Variants in EMC7 observed in about 807,000 individuals in gnomAD.
EMC7 encodes ER membrane protein complex subunit 7, also known as endoplasmic reticulum membrane protein complex subunit 7.
EMC7 carries 4 observed loss-of-function variants against 24.4 expected under a neutral mutation model. The observed-to-expected ratio is 0.16, with a 90% CI of 0.08 to 0.38. The LOEUF is 0.38. Among genes scored for constraint, EMC7 ranks in the 10% least tolerant of loss-of-function variants. EMC7 has a pLI of 1.00. For synonymous variants in EMC7, 106 were observed against 112.0 expected (o/e 0.95, Z 0.34); for missense variants, 221 against 300.6 (o/e 0.74, Z 1.96).
At chr15:34,084,665 T>G (rs976491220) in intron 4 of EMC7, among the ~76,000 whole-genome samples, 179 bp from the exon 5 acceptor site, 1 of 152,100 alleles carries the variant, frequency 6.6e-6, no homozygotes, top group Non-Finnish European at 1.5e-5. Flanking sequence ...ATTTTCCATA[T>G]CTCCTTTATA....
At chr15:34,095,432 T>A (rs1278427943) in intron 2 of EMC7, among the ~76,000 whole-genome samples, 2 of 152,212 alleles carry the variant, frequency 1.3e-5, no homozygotes, top group African/African-American at 4.8e-5. Context: ...AGAAATACTA[T>A]ATTTCCATTG....
chr15:34,090,747 C>T (rs1900963948), intron 2 of EMC7, among the ~76,000 whole-genome samples: 1 of 152,118 alleles, frequency 6.6e-6, no homozygotes, highest in Non-Finnish European at 1.5e-5. Flanking sequence ...CTATTTATGT[C>T]AAAAGTTCTT....
intron 3 of EMC7, among the ~76,000 whole-genome samples, chr15:34,088,758 T>C (rs981745768): frequency 6.6e-6 from 1 of 152,206 alleles, no homozygotes; most frequent in African/African-American, 2.4e-5. Flanking sequence ...TACTAATTTA[T>C]TCCTCCCTAG....
chr15:34,097,094 C>T (rs1193334270), intron 1 of EMC7, among the ~76,000 whole-genome samples: 2 of 119,118 alleles, frequency 1.7e-5, no homozygotes, highest in African/African-American at 6.5e-5. Context: ...AGTGCAGTGG[C>T]CCTATCTCGG....
intron 2 of EMC7, 50 bp from the exon 3 acceptor site, chr15:34,090,505 C>T (rs1352533300): frequency 6.3e-7 from 1 of 1,575,112 alleles, no homozygotes. Context: ...AAAAACATTA[C>T]TGGTTAAAAG....
chr15:34,088,138 A>T lies in EMC7; in HGVS notation c.496-5T>A, dbSNP rs1900918616. On this transcript the variant is annotated splice_region_variant and splice_polypyrimidine_tract_variant and intron_variant, in intron 3 of 4. Coordinates refer to ENST00000256545, the MANE Select transcript of EMC7 (RefSeq NM_020154.3). ...AGGAAGAACCATCATCATAACCTGC[A>T]GAAAAAAAAAATCCAGAAAATGTTT... 2 of 1,603,248 alleles carry T rather than the reference A, an allele frequency of 1.2e-6. No individual in the cohort carries two copies. Among genetic ancestry groups the T allele is most frequent in the African/African-American group, 2.7e-5 (2 of 74,192 alleles).
At chr15:34,097,452 AC>A (rs1268548581) in intron 1 of EMC7, among the ~76,000 whole-genome samples, 1 of 152,226 alleles carries the variant, frequency 6.6e-6, no homozygotes, top group African/African-American at 2.4e-5. Flanking sequence ...GTAGTTAAAA[AC>A]ATCCATCTTT....
chr15:34,092,424 C>T (rs1456053405), intron 2 of EMC7, among the ~76,000 whole-genome samples: 1 of 152,172 alleles, frequency 6.6e-6, no homozygotes, highest in African/African-American at 2.4e-5. Context: ...TCTCGGCTCA[C>T]TGCAACCTTT....
At chr15:34,093,974 G>A (rs1467961673) in intron 2 of EMC7, among the ~76,000 whole-genome samples, 1 of 149,926 alleles carries the variant, frequency 6.7e-6, no homozygotes, top group Non-Finnish European at 1.5e-5. Context: ...GGCTATGATT[G>A]CACCTGAGAA....
rs566503770 is a variant in EMC7, at chr15:34,085,657, T to C, written c.577-1171A>G. Among the ~76,000 whole-genome samples the C allele has an allele frequency of 1.6e-4, 25 of 152,240 alleles. No homozygotes were observed. The East Asian group carries it at 4.4e-3, about 27-fold the overall frequency. On this transcript the variant is annotated intron_variant, in intron 4 of 4. Coordinates refer to ENST00000256545, the MANE Select transcript of EMC7 (RefSeq NM_020154.3). Reference sequence around the variant, plus strand: ...TTCCCACAAAGGTAGAATTGATTCCTAAATTTTAAAGGAGAAGTTGCTTTT... The same window carrying C: ...TTCCCACAAAGGTAGAATTGATTCCCAAATTTTAAAGGAGAAGTTGCTTTT...
At chr15:34,090,959 T>C (rs892613031) in intron 2 of EMC7, among the ~76,000 whole-genome samples, 2 of 152,218 alleles carry the variant, frequency 1.3e-5, no homozygotes, top group African/African-American at 4.8e-5. Flanking sequence ...AACGCTACAT[T>C]TTTCACCAAA....
chr15:34,087,390 A>T (rs749327856), intron 4 of EMC7, among the ~76,000 whole-genome samples: 3 of 152,232 alleles, frequency 2.0e-5, no homozygotes, highest in Admixed American at 2.0e-4. Context: ...GAAGCATCCT[A>T]CTTAGCAAAT....
At chr15:34,088,233 C>T (rs1900921339) in intron 3 of EMC7, 100 bp from the exon 4 acceptor site, 3 of 1,024,152 alleles carry the variant, frequency 2.9e-6, no homozygotes, top group Admixed American at 2.4e-5. Flanking sequence ...AAGATTTAAA[C>T]GTTGTCTATA....
chr15:34,086,219 C>A (rs1415946365), intron 4 of EMC7: 2 of 364,864 alleles, frequency 5.5e-6, no homozygotes, highest in East Asian at 1.7e-4. Context: ...GCCAGTTAAG[C>A]TAAATTTTGA....
chr15:34,095,106 C>T (rs1217140505), intron 2 of EMC7, among the ~76,000 whole-genome samples: 1 of 152,160 alleles, frequency 6.6e-6, no homozygotes, highest in Non-Finnish European at 1.5e-5. Context: ...ATTTATTAGT[C>T]CTCCACCTCC....
At chr15:34,100,529 G>C (rs957402181) in intron 1 of EMC7, 1 of 152,050 alleles carries the variant, frequency 6.6e-6, no homozygotes, top group Non-Finnish European at 1.5e-5. Flanking sequence ...TCATTAATTA[G>C]GGTAAACTCT....
intron 2 of EMC7, among the ~76,000 whole-genome samples, 173 bp from the exon 3 acceptor site, chr15:34,090,628 T>C (rs542747769): frequency 6.6e-6 from 1 of 152,328 alleles, no homozygotes; most frequent in South Asian, 2.1e-4. Flanking sequence ...TTTATCTACA[T>C]GTCTAAAATA....
chr15:34,088,200 CT>C (rs747219410), intron 3 of EMC7, 67 bp from the exon 4 acceptor site: 540 of 1,299,388 alleles, frequency 4.2e-4, no homozygotes, highest in Non-Finnish European at 5.5e-4. Context: ...AAAAACTGCA[CT>C]TAACAACCAA....
chr15:34,087,927 A>T, intron 4 of EMC7, 126 bp downstream of exon 4: 1 of 752,430 alleles, frequency 1.3e-6, no homozygotes, highest in Non-Finnish European at 2.2e-6. Context: ...AGGCTGAGGC[A>T]GGTGGATAGC....
Sources: allele counts gnomAD v4.1 joint callset (sites outside exome capture counted in the v4.1 genomes callset), GRCh38; gene constraint gnomAD v4.1.1; transcripts MANE v1.5; gene names NCBI Gene and HGNC (gene_info 2026-07-23, HGNC 2026-07-21).